Variants in ERBB4 observed in about 807,000 individuals in gnomAD.
ERBB4 encodes erb-b2 receptor tyrosine kinase 4, also known as receptor tyrosine-protein kinase erbB-4.
Under a neutral mutation model 158.0 loss-of-function variants are expected in ERBB4, and 42 were observed. The observed-to-expected ratio is 0.27, with a 90% CI of 0.21 to 0.34. ERBB4 has a LOEUF of 0.34. Ranked by LOEUF, ERBB4 falls within the 10% of genes least tolerant of loss-of-function variation. The pLI is 1.00. For missense variants in ERBB4, 1,333 were observed against 1,624.1 expected (o/e 0.82, Z 3.08); for synonymous variants, 583 against 558.7 (o/e 1.04, Z -0.61).
At chr2:211,913,888 C>T (rs1028875474) in intron 3 of ERBB4, among the ~76,000 whole-genome samples, 1 of 150,688 alleles carries the variant, frequency 6.6e-6, no homozygotes, top group Non-Finnish European at 1.5e-5. Context: ...TAGGAATGAA[C>T]ACCTCAAATA....
chr2:211,946,977 A>G (rs1265311789), intron 3 of ERBB4, among the ~76,000 whole-genome samples: 1 of 152,168 alleles, frequency 6.6e-6, no homozygotes, highest in Non-Finnish European at 1.5e-5. Flanking sequence ...AAGAGAAATC[A>G]AAACTGTATA....
intron 12 of ERBB4, among the ~76,000 whole-genome samples, chr2:211,696,701 T>A (rs57089308): frequency 6.6e-6 from 1 of 151,782 alleles, no homozygotes; most frequent in African/African-American, 2.4e-5. Flanking sequence ...AAGGAATCAC[T>A]CTCTGTTGCC....
At chr2:211,705,806 C>T (rs2073416936) in intron 9 of ERBB4, among the ~76,000 whole-genome samples, 1 of 152,130 alleles carries the variant, frequency 6.6e-6, no homozygotes. Context: ...GTATACATTG[C>T]TATTAGTACC....
intron 1 of ERBB4, among the ~76,000 whole-genome samples, chr2:212,220,272 A>C (rs184124855): frequency 1.3e-5 from 2 of 151,548 alleles, no homozygotes; most frequent in Admixed American, 1.3e-4. Context: ...TTCACCTACT[A>C]TATTTCATAT....
Position 212,322,077 on chromosome 2 carries a change from C to T in ERBB4, c.83-197174G>A, listed in dbSNP as rs747421413. Among the ~76,000 whole-genome samples, 36 of 150,218 alleles carry T rather than the reference C, an allele frequency of 2.4e-4. 1 individual carries two copies. Among genetic ancestry groups the T allele is most frequent in the Non-Finnish European group, 4.5e-4 (30 of 67,040 alleles). On this transcript the variant is annotated intron_variant, in intron 1 of 27. Coordinates refer to ENST00000342788, the MANE Select transcript of ERBB4 (RefSeq NM_005235.3). ...CTTCTTTCATCTTAGGAGTCATTAT[C>T]TTATATAACTCTGAACTTTGAAAAT...
At chr2:212,243,277 C>T (rs1483794956) in intron 1 of ERBB4, among the ~76,000 whole-genome samples, 2 of 152,098 alleles carry the variant, frequency 1.3e-5, no homozygotes, top group Non-Finnish European at 2.9e-5. Context: ...AGGCATTCAA[C>T]TGATGTAAAG....
intron 2 of ERBB4, among the ~76,000 whole-genome samples, chr2:211,957,936 T>C (rs1177647386): frequency 2.0e-5 from 3 of 152,154 alleles, no homozygotes; most frequent in Admixed American, 2.0e-4. Flanking sequence ...TATGAAATTA[T>C]GGCTGACAAC....
At chr2:211,703,530 C>T (rs1019122876) in intron 11 of ERBB4, among the ~76,000 whole-genome samples, 5 of 152,094 alleles carry the variant, frequency 3.3e-5, no homozygotes, top group Non-Finnish European at 7.4e-5. Flanking sequence ...ATAAGAACAT[C>T]ATACAGATGA....
intron 16 of ERBB4, among the ~76,000 whole-genome samples, chr2:211,632,972 A>C (rs879895778): frequency 1.3e-5 from 2 of 152,168 alleles, no homozygotes; most frequent in Non-Finnish European, 2.9e-5. Flanking sequence ...ACATTATAAG[A>C]GGCCAAATTC....
At chr2:211,405,374 C>G (rs935038785) in intron 25 of ERBB4, among the ~76,000 whole-genome samples, 1 of 152,144 alleles carries the variant, frequency 6.6e-6, no homozygotes, top group African/African-American at 2.4e-5. Context: ...GGTTAAAAAT[C>G]TCATTCTTAA....
At chr2:212,535,595 A>G (rs1693007175) in intron 1 of ERBB4, among the ~76,000 whole-genome samples, 1 of 152,220 alleles carries the variant, frequency 6.6e-6, no homozygotes, top group African/African-American at 2.4e-5. Flanking sequence ...TTCAATACCA[A>G]GGCAATATTG....
chr2:212,141,670 A>G (rs1449675321), intron 1 of ERBB4, among the ~76,000 whole-genome samples: 1 of 152,008 alleles, frequency 6.6e-6, no homozygotes, highest in Non-Finnish European at 1.5e-5. Context: ...CTCTCTTTCC[A>G]TAACCCAGTT....
intron 20 of ERBB4, among the ~76,000 whole-genome samples, chr2:211,531,351 A>C (rs1361080525): frequency 6.6e-6 from 1 of 152,046 alleles, no homozygotes; most frequent in Non-Finnish European, 1.5e-5. Context: ...TGCACAGCAA[A>C]GGGAACAATC....
intron 3 of ERBB4, among the ~76,000 whole-genome samples, chr2:211,940,733 G>C (rs983746319): frequency 6.6e-6 from 1 of 152,016 alleles, no homozygotes; most frequent in Non-Finnish European, 1.5e-5. Flanking sequence ...AGAGGAGAAA[G>C]GATGATTCTA....
At chr2:211,501,680 A>G (rs1054959450) in intron 20 of ERBB4, among the ~76,000 whole-genome samples, 1 of 152,084 alleles carries the variant, frequency 6.6e-6, no homozygotes, top group Non-Finnish European at 1.5e-5. Flanking sequence ...ATTACAATGC[A>G]TATAACCTCA....
intron 20 of ERBB4, among the ~76,000 whole-genome samples, chr2:211,536,447 C>T (rs953347888): frequency 3.3e-5 from 5 of 152,006 alleles, no homozygotes; most frequent in Non-Finnish European, 7.4e-5. Flanking sequence ...GGGGAAGAGG[C>T]AGGTCTTCAG....
intron 20 of ERBB4, among the ~76,000 whole-genome samples, chr2:211,545,959 G>A (rs895469788): frequency 5.9e-5 from 9 of 151,954 alleles, no homozygotes; most frequent in African/African-American, 2.2e-4. Flanking sequence ...TTGACCGAGA[G>A]CCACTCTTCT....
intron 16 of ERBB4, among the ~76,000 whole-genome samples, chr2:211,638,309 CCAG>C (rs1258670087): frequency 3.3e-5 from 5 of 152,078 alleles, no homozygotes; most frequent in Non-Finnish European, 7.4e-5. Context: ...CCTTGAAACA[CCAG>C]GAAACATTGA....
intron 25 of ERBB4, among the ~76,000 whole-genome samples, chr2:211,388,833 T>G (rs978532022): frequency 1.3e-5 from 2 of 152,154 alleles, no homozygotes; most frequent in Non-Finnish European, 2.9e-5. Flanking sequence ...TAATACTAAT[T>G]CTGTTTCTTA....
Sources: allele counts gnomAD v4.1 joint callset (sites outside exome capture counted in the v4.1 genomes callset), GRCh38; gene constraint gnomAD v4.1.1; transcripts MANE v1.5; gene names NCBI Gene and HGNC (gene_info 2026-07-23, HGNC 2026-07-21).